LINGO2: variants seen among roughly 807,000 people sequenced by gnomAD.
The protein encoded by LINGO2 is leucine-rich repeat and immunoglobulin-like domain-containing nogo receptor-interacting protein 2.
A neutral mutation model predicts 30.6 loss-of-function variants in LINGO2; 14 were observed. The observed-to-expected ratio is 0.46, with a 90% CI of 0.30 to 0.72. LINGO2 has a LOEUF of 0.72. Among genes scored for constraint, LINGO2 ranks in the 30% least tolerant of loss-of-function variants. The pLI, the probability that LINGO2 is intolerant of heterozygous loss-of-function variation, is 0.07. For missense variants in LINGO2, 729 were observed against 751.7 expected (o/e 0.97, Z 0.35); for synonymous variants, 317 against 288.5 (o/e 1.10, Z -1.00).
the LINGO2 span, among the ~76,000 whole-genome samples, chr9:28,745,740 G>A: frequency 6.6e-6 from 1 of 151,954 alleles, no homozygotes; most frequent in Non-Finnish European, 1.5e-5. Flanking sequence ...GAGAACTTAA[G>A]TAACTTGTTA....
At chr9:28,804,434 T>C in the LINGO2 span, among the ~76,000 whole-genome samples, 3 of 152,106 alleles carry the variant, frequency 2.0e-5, no homozygotes, top group Non-Finnish European at 2.9e-5. Context: ...CCTGAATCAG[T>C]TGGGCCATCT....
At chr9:28,623,047 T>C (rs897745244) in intron 1 of LINGO2, among the ~76,000 whole-genome samples, 1 of 152,136 alleles carries the variant, frequency 6.6e-6, no homozygotes, top group African/African-American at 2.4e-5. Context: ...ATTAGATTTT[T>C]TTCCTACAGA....
chr9:28,058,182 G>A (rs2167643), intron 4 of LINGO2, among the ~76,000 whole-genome samples: 60,459 of 151,942 alleles, frequency 0.4, 12,209 homozygotes, highest in East Asian at 0.43. Flanking sequence ...ATGGATCAAA[G>A]TATTTGATGC....
At chr9:28,970,036 T>C in the LINGO2 span, among the ~76,000 whole-genome samples, 1 of 152,056 alleles carries the variant, frequency 6.6e-6, no homozygotes, top group Non-Finnish European at 1.5e-5. Flanking sequence ...CAATGAGATG[T>C]GTTCACAAAG....
chr9:27,963,847 C>T (rs554880350), intron 5 of LINGO2, among the ~76,000 whole-genome samples: 11 of 151,802 alleles, frequency 7.2e-5, no homozygotes, highest in Non-Finnish European at 1.5e-4. Context: ...AAATCCTGGA[C>T]TCCATGAAAT....
chr9:28,823,609 G>A, the LINGO2 span, among the ~76,000 whole-genome samples: 3 of 152,176 alleles, frequency 2.0e-5, no homozygotes, highest in African/African-American at 7.2e-5. Context: ...CCATCATGCT[G>A]TGAGAAAGCC....
the LINGO2 span, among the ~76,000 whole-genome samples, chr9:28,692,927 G>C: frequency 1.6e-4 from 24 of 152,198 alleles, no homozygotes; most frequent in East Asian, 4.6e-3. Context: ...TAGAGGAAAA[G>C]ACTACTTGCT....
chr9:28,300,946 C>G (rs1373886556), intron 3 of LINGO2, among the ~76,000 whole-genome samples: 1 of 151,348 alleles, frequency 6.6e-6, no homozygotes, highest in Non-Finnish European at 1.5e-5. Context: ...TTTGGCTTGG[C>G]CTGGTCAACT....
chr9:28,968,178 C>G, the LINGO2 span, among the ~76,000 whole-genome samples: 55 of 152,186 alleles, frequency 3.6e-4, no homozygotes, highest in African/African-American at 1.2e-3. Flanking sequence ...TCACAGACAT[C>G]GGTACAAAAT....
At chr9:29,141,789 A>AG in the LINGO2 span, among the ~76,000 whole-genome samples, 1 of 151,898 alleles carries the variant, frequency 6.6e-6, no homozygotes, top group Non-Finnish European at 1.5e-5. Flanking sequence ...AGGTAAAAAA[A>AG]CTGTCACGGG....
intron 1 of LINGO2, among the ~76,000 whole-genome samples, chr9:28,573,779 T>G (rs971125822): frequency 6.6e-6 from 1 of 152,088 alleles, no homozygotes; most frequent in Non-Finnish European, 1.5e-5. Flanking sequence ...AGAAAACAGA[T>G]GAACCACTTA....
In LINGO2 at chr9:28,296,843, ACTT is replaced by A. The variant is rs201274271; in HGVS notation, c.-245-1480_-245-1478del. On this transcript the variant is annotated intron_variant, in intron 3 of 5. Coordinates refer to ENST00000379992, the Ensembl canonical transcript of LINGO2. ...TGTATTTATTGATCCAAGTTGTGGTACTTATTAACCTATAACCTCAGTCAACTT... is the reference window on the plus strand; with the variant it reads ...TGTATTTATTGATCCAAGTTGTGGTAATTAACCTATAACCTCAGTCAACTT... 6.2e-3 allele frequency among the ~76,000 whole-genome samples: 947 copies of A among 152,292 alleles called. 5 individuals carry two copies. Among genetic ancestry groups the A allele is most frequent in the Middle Eastern group, 0.024 (7 of 294 alleles).
At chr9:28,647,609 C>T (rs1020844794) in intron 1 of LINGO2, among the ~76,000 whole-genome samples, 1 of 151,806 alleles carries the variant, frequency 6.6e-6, no homozygotes, top group African/African-American at 2.4e-5. Context: ...AATGTTATAC[C>T]AGCATTATAA....
intron 2 of LINGO2, among the ~76,000 whole-genome samples, chr9:28,404,429 A>C (rs890462322): frequency 2.0e-5 from 3 of 152,192 alleles, no homozygotes; most frequent in Admixed American, 2.0e-4. Context: ...CAAGCATTTG[A>C]AAACTGAAAG....
At chr9:28,417,547 A>G (rs777446789) in intron 2 of LINGO2, among the ~76,000 whole-genome samples, 14 of 142,362 alleles carry the variant, frequency 9.8e-5, no homozygotes, top group Non-Finnish European at 1.9e-4. Context: ...TCCCTTAATT[A>G]TGTAATACAT....
chr9:28,282,971 C>CT (rs1308371284), intron 4 of LINGO2, among the ~76,000 whole-genome samples: 2 of 152,124 alleles, frequency 1.3e-5, no homozygotes, highest in Non-Finnish European at 1.5e-5. Context: ...AACCTAAACT[C>CT]TTTCTGTTTC....
At chr9:28,394,219 G>A (rs1039105484) in intron 2 of LINGO2, among the ~76,000 whole-genome samples, 2 of 152,122 alleles carry the variant, frequency 1.3e-5, no homozygotes, top group South Asian at 4.1e-4. Context: ...TCTTTCCAAC[G>A]CAATGCTTCA....
intron 1 of LINGO2, among the ~76,000 whole-genome samples, chr9:28,637,483 C>T (rs1191014601): frequency 1.3e-5 from 2 of 151,956 alleles, no homozygotes; most frequent in Non-Finnish European, 2.9e-5. Flanking sequence ...TCTTTGTATC[C>T]TCTTTTATTT....
At chr9:28,210,400 A>AT (rs1214713299) in intron 4 of LINGO2, among the ~76,000 whole-genome samples, 1 of 151,650 alleles carries the variant, frequency 6.6e-6, no homozygotes, top group Admixed American at 6.6e-5. Flanking sequence ...TTGATGTGAT[A>AT]TTAATATATG....
Sources: gnomAD v4.1 joint callset for allele counts (sites outside exome capture counted in the v4.1 genomes callset) on GRCh38, gnomAD v4.1.1 for gene constraint, MANE v1.5 for transcripts, NCBI Gene and HGNC (gene_info 2026-07-23, HGNC 2026-07-21) for gene names.